NPR3: variants seen among roughly 807,000 people sequenced by gnomAD.
NPR3 encodes the protein natriuretic peptide receptor 3.
Under a neutral mutation model 54.5 loss-of-function variants are expected in NPR3, and 34 were observed. The ratio of observed to expected loss-of-function variants is 0.62; its 90% CI spans 0.47 to 0.83. The LOEUF (loss-of-function observed/expected upper bound fraction) is 0.83. NPR3 is among the 40% of genes least tolerant of loss of function. The pLI, the probability that NPR3 is intolerant of heterozygous loss-of-function variation, is 0.00. For missense variants in NPR3, 674 were observed against 720.8 expected (o/e 0.94, Z 0.74); for synonymous variants, 289 against 297.1 (o/e 0.97, Z 0.28).
chr5:32,774,221 C>T (rs1741918136), intron 3 of NPR3, among the ~76,000 whole-genome samples: 1 of 152,218 alleles, frequency 6.6e-6, no homozygotes, highest in African/African-American at 2.4e-5. Flanking sequence ...GTACCCATAG[C>T]ACCAGCACTC....
At chr5:32,729,029 T>C (rs1241973951) in intron 2 of NPR3, among the ~76,000 whole-genome samples, 4 of 98,322 alleles carry the variant, frequency 4.1e-5, no homozygotes, top group Non-Finnish European at 7.5e-5. Context: ...TTTTTTTTTT[T>C]GTTTTGTTTT....
chr5:32,730,088 G>C (rs1002590046), intron 2 of NPR3, among the ~76,000 whole-genome samples: 1 of 151,564 alleles, frequency 6.6e-6, no homozygotes, highest in Non-Finnish European at 1.5e-5. Context: ...TCATGACTTT[G>C]ACACTTAAAA....
At chr5:32,742,159 A>G (rs1263663617) in intron 3 of NPR3, among the ~76,000 whole-genome samples, 1 of 152,028 alleles carries the variant, frequency 6.6e-6, no homozygotes, top group Non-Finnish European at 1.5e-5. Flanking sequence ...CATGATGCCC[A>G]TCATGAGCTC....
intron 3 of NPR3, among the ~76,000 whole-genome samples, chr5:32,771,571 T>C (rs1741763360): frequency 6.6e-6 from 1 of 152,166 alleles, no homozygotes; most frequent in African/African-American, 2.4e-5. Flanking sequence ...GATATGGTGC[T>C]GGGGCACACA....
At chr5:32,725,183 G>T (rs1739078086) in intron 2 of NPR3, among the ~76,000 whole-genome samples, 1 of 152,080 alleles carries the variant, frequency 6.6e-6, no homozygotes, top group Admixed American at 6.5e-5. Context: ...TGGGTGATGG[G>T]ATCCATACTC....
In NPR3 at chr5:32,790,902, A is replaced by C. The variant is rs1197358670; in HGVS notation, c.*4557A>C. Reference sequence around the variant, plus strand: ...GGGAGAGATTTGAACAAGCAGAATTAAGTGTTAGCAAAAATGCTGCATTGC... The same window carrying C: ...GGGAGAGATTTGAACAAGCAGAATTCAGTGTTAGCAAAAATGCTGCATTGC... On this transcript the variant is annotated 3_prime_UTR_variant, in exon 8 of 8. Transcript: ENST00000265074. 6.0e-6 allele frequency: 1 copy of C among 167,074 alleles called. No individual in the cohort carries two copies. Among genetic ancestry groups the C allele is most frequent in the East Asian group, 1.9e-4 (1 of 5,190 alleles). 10.3% of individuals were successfully genotyped at this position (167,074 alleles called of 1,614,324 possible). A position where few individuals can be genotyped will look rare whatever the true frequency, so the allele number is the denominator to read the frequency against.
At chr5:32,761,566 C>A (rs1360686583) in intron 3 of NPR3, among the ~76,000 whole-genome samples, 1 of 151,926 alleles carries the variant, frequency 6.6e-6, no homozygotes, top group African/African-American at 2.4e-5. Context: ...TCTTCAAGAT[C>A]ACGGACTCTT....
Position 32,791,205 on chromosome 5 carries a change from G to C in NPR3, c.*4860G>C, listed in dbSNP as rs143083093. The C allele has an allele frequency of 9.5e-3, 1,592 of 167,208 alleles. 32 individuals are homozygous for C. The highest frequency in any genetic ancestry group is 9.3e-3 in the Non-Finnish European group (636 of 68,122). The allele number at this position is 167,208 out of a possible 1,614,324, so 10.4% of individuals were successfully genotyped here. A position where few individuals can be genotyped will look rare whatever the true frequency, so the allele number is the denominator to read the frequency against. On this transcript the variant is annotated 3_prime_UTR_variant, in exon 8 of 8. Transcript: ENST00000265074. ...CCCCTGAACAGCATGGAGTTGCTGT[G>C]AGTTTGTTCGTTGCAGACCTTTGTG...
intron 3 of NPR3, among the ~76,000 whole-genome samples, chr5:32,743,288 C>G (rs1179237762): frequency 6.6e-6 from 1 of 152,084 alleles, no homozygotes; most frequent in African/African-American, 2.4e-5. Flanking sequence ...CAGTTTCCCG[C>G]AATGGTAACA....
In NPR3 at chr5:32,774,590, A is replaced by T; in HGVS notation, c.1060-118A>T. The stretch of plus-strand genomic sequence containing the variant: ...ATTCTTGTCAGTACCCCTTCTGCCC[A>T]CCTCTGCCATGGCTAACAGACCTGA... On this transcript the variant is annotated intron_variant, in intron 3 of 7. Transcript: ENST00000265074. 10 of 756,066 alleles carry T rather than the reference A, an allele frequency of 1.3e-5. No individual in the cohort carries two copies. In the South Asian group the frequency reaches 1.6e-4, roughly 12 times the overall value. The allele number at this position is 756,066 out of a possible 1,614,324, so 46.8% of individuals were successfully genotyped here. A position where few individuals can be genotyped will look rare whatever the true frequency, so the allele number is the denominator to read the frequency against.
At chr5:32,743,748 T>C (rs987248111) in intron 3 of NPR3, among the ~76,000 whole-genome samples, 14 of 152,116 alleles carry the variant, frequency 9.2e-5, no homozygotes, top group Admixed American at 2.6e-4. Flanking sequence ...CTGAGTCCAG[T>C]GTTCACTCCT....
intron 3 of NPR3, among the ~76,000 whole-genome samples, chr5:32,771,543 A>G (rs780059531): frequency 5.9e-5 from 9 of 152,152 alleles, no homozygotes; most frequent in Non-Finnish European, 1.3e-4. Context: ...GAAGGAAGGA[A>G]GGGGAAGGGC....
At position 32,790,259 on chromosome 5, in the gene NPR3, A is replaced by ATTCAGCAAGAAGCATGGAACATG. The variant is rs1312014312; in HGVS notation, c.*3914_*3915insTTCAGCAAGAAGCATGGAACATG. 2.0e-4 allele frequency: 31 copies of ATTCAGCAAGAAGCATGGAACATG among 155,190 alleles called. No homozygotes were observed. Among genetic ancestry groups the ATTCAGCAAGAAGCATGGAACATG allele is most frequent in the African/African-American group, 1.2e-3 (31 of 26,582 alleles). 9.6% of individuals were successfully genotyped at this position (155,190 alleles called of 1,614,324 possible). On this transcript the variant is annotated 3_prime_UTR_variant, in exon 8 of 8. Coordinates refer to ENST00000265074, the MANE Select transcript of NPR3 (RefSeq NM_001204375.2). ...AATTTAGTGCCCCTTCAACAGCCAT[A>ATTCAGCAAGAAGCATGGAACATG]CTCAGCAAGAAGAATCAGAAGCTTG...
intron 3 of NPR3, among the ~76,000 whole-genome samples, chr5:32,759,534 C>A (rs896201076): frequency 6.6e-6 from 1 of 152,170 alleles, no homozygotes; most frequent in African/African-American, 2.4e-5. Flanking sequence ...ATACAGCACA[C>A]TGATGGGTCT....
chr5:32,769,054 T>TGA (rs983388355), intron 3 of NPR3, among the ~76,000 whole-genome samples: 3 of 152,070 alleles, frequency 2.0e-5, no homozygotes, highest in Non-Finnish European at 4.4e-5. Context: ...AGTGACCAAG[T>TGA]GAGAATTCCA....
intron 1 of NPR3, among the ~76,000 whole-genome samples, chr5:32,695,601 G>A (rs1409953030): frequency 1.3e-5 from 2 of 152,180 alleles, no homozygotes; most frequent in Non-Finnish European, 2.9e-5. Context: ...CCTCCAACCT[G>A]TTCTCCATAG....
intron 6 of NPR3, 198 bp downstream of exon 6, chr5:32,783,226 A>G (rs892859824): frequency 1.3e-5 from 6 of 477,470 alleles, no homozygotes; most frequent in African/African-American, 8.0e-5. Context: ...CTCTTCCACA[A>G]TGGTAGAATG....
At chr5:32,759,790 A>G (rs957611184) in intron 3 of NPR3, among the ~76,000 whole-genome samples, 2 of 152,096 alleles carry the variant, frequency 1.3e-5, no homozygotes, top group African/African-American at 2.4e-5. Context: ...AGCTCTTGTA[A>G]GGCAGGCCTG....
chr5:32,702,559 A>C (rs968602730), intron 1 of NPR3, among the ~76,000 whole-genome samples: 2 of 151,532 alleles, frequency 1.3e-5, no homozygotes, highest in African/African-American at 4.9e-5. Context: ...ATGATTTCCA[A>C]TTTCATCCGT....
Sources: allele counts gnomAD v4.1 joint callset (sites outside exome capture counted in the v4.1 genomes callset), GRCh38; gene constraint gnomAD v4.1.1; transcripts MANE v1.5; gene names NCBI Gene and HGNC (gene_info 2026-07-23, HGNC 2026-07-21).